IGBP1: variants seen among roughly 807,000 people sequenced by gnomAD.
The protein encoded by IGBP1 is immunoglobulin binding protein 1.
IGBP1 carries 2 observed loss-of-function variants against 25.9 expected under a neutral mutation model. The ratio of observed to expected loss-of-function variants is 0.08; its 90% confidence interval spans 0.03 to 0.24. The LOEUF (loss-of-function observed/expected upper bound fraction) is 0.24, where lower values mean the gene tolerates loss of function less well. Among genes scored for constraint, IGBP1 ranks in the 10% least tolerant of loss-of-function variants. The pLI, the probability that IGBP1 is intolerant of heterozygous loss-of-function variation, is 1.00. For synonymous variants in IGBP1, 96 were observed against 93.4 expected (o/e 1.03, Z -0.16); for missense variants, 187 against 260.4 (o/e 0.72, Z 1.94).
At chrX:70,153,618 C>G (rs1471656624) in intron 6 of IGBP1, among the ~76,000 whole-genome samples, 1 of 112,282 alleles carries the variant, frequency 8.9e-6, no homozygotes, top group African/African-American at 3.2e-5. Flanking sequence ...ACAAATTACT[C>G]TAAAACTTAG....
intron 4 of IGBP1, 121 bp from the exon 5 acceptor site, chrX:70,148,640 A>G: frequency 3.7e-6 from 2 of 536,520 alleles, no homozygotes; most frequent in Non-Finnish European, 6.6e-6. Context: ...TTAGAGACTG[A>G]TAAATAGAAA....
intron 4 of IGBP1, 141 bp from the exon 5 acceptor site, chrX:70,148,620 C>T: frequency 2.0e-6 from 1 of 507,522 alleles, no homozygotes; most frequent in Non-Finnish European, 3.5e-6. Context: ...TAGTGTTCTG[C>T]TGCTATATCT....
At chrX:70,148,891 A>G (rs765214292) in intron 5 of IGBP1, 51 bp downstream of exon 5, 11 of 870,986 alleles carry the variant, frequency 1.3e-5, no homozygotes, top group Middle Eastern at 2.7e-4. Flanking sequence ...TTATGGTTCA[A>G]TGTGGCAATT....
intron 3 of IGBP1, among the ~76,000 whole-genome samples, chrX:70,137,969 C>CAA (rs151148886): frequency 0.013 from 852 of 67,505 alleles, 18 homozygotes; most frequent in African/African-American, 0.041. Context: ...GCCATCTCTG[C>CAA]AAAAAAAAAA....
intron 6 of IGBP1, among the ~76,000 whole-genome samples, chrX:70,162,879 C>A (rs924733344): frequency 1.2e-4 from 13 of 109,980 alleles, no homozygotes; most frequent in African/African-American, 4.0e-4. Flanking sequence ...GAGGATGAGA[C>A]AGGAGAATCG....
chrX:70,139,067 T>C (rs2085114214), intron 3 of IGBP1, among the ~76,000 whole-genome samples: 2 of 111,815 alleles, frequency 1.8e-5, no homozygotes, highest in Admixed American at 9.5e-5. Flanking sequence ...TGGCTCACTT[T>C]GGGAGCCTGA....
At chrX:70,144,847 A>G (rs2085156084) in intron 3 of IGBP1, among the ~76,000 whole-genome samples, 1 of 106,388 alleles carries the variant, frequency 9.4e-6, no homozygotes, top group Non-Finnish European at 1.9e-5. Context: ...TTTAGTAGAG[A>G]TGGGGTTTCA....
At chrX:70,146,219 C>T (rs2085165530) in intron 3 of IGBP1, among the ~76,000 whole-genome samples, 1 of 102,223 alleles carries the variant, frequency 9.8e-6, no homozygotes, top group African/African-American at 3.4e-5. Flanking sequence ...ATTCCTGCAT[C>T]AGTGGCAGGT....
intron 6 of IGBP1, among the ~76,000 whole-genome samples, chrX:70,161,624 C>T (rs1185969521): frequency 8.9e-6 from 1 of 112,034 alleles, no homozygotes; most frequent in East Asian, 2.8e-4. Context: ...AACCTACCTT[C>T]GACCTGCTCA....
At chrX:70,154,714 C>CAAAAAAAA (rs762954223) in intron 6 of IGBP1, among the ~76,000 whole-genome samples, 363 of 27,094 alleles carry the variant, frequency 0.013, 50 homozygotes, top group African/African-American at 0.057. Context: ...CCCCTCTCCA[C>CAAAAAAAA]AAAAAAAAAA....
intron 3 of IGBP1, among the ~76,000 whole-genome samples, chrX:70,141,133 C>T (rs1183462863): frequency 1.8e-5 from 2 of 110,357 alleles, no homozygotes; most frequent in African/African-American, 6.6e-5. Flanking sequence ...ATCACAAGGT[C>T]AGGAGTTCAA....
chrX:70,143,687 T>C (rs947223858), intron 3 of IGBP1, among the ~76,000 whole-genome samples: 2 of 102,740 alleles, frequency 1.9e-5, no homozygotes, highest in African/African-American at 7.2e-5. Flanking sequence ...TAGTTTTCCA[T>C]ATGTTCCTTG....
chrX:70,163,098 G>A (rs1284282623), intron 6 of IGBP1, among the ~76,000 whole-genome samples: 1 of 110,539 alleles, frequency 9.0e-6, no homozygotes, highest in Non-Finnish European at 1.9e-5. Flanking sequence ...CTGAGCCCAG[G>A]CCAGGCTCAA....
At chrX:70,162,042 A>G (rs1433999025) in intron 6 of IGBP1, among the ~76,000 whole-genome samples, 1 of 112,209 alleles carries the variant, frequency 8.9e-6, no homozygotes, top group African/African-American at 3.2e-5. Context: ...AATTTTATGT[A>G]GATACTCCTG....
intron 3 of IGBP1, among the ~76,000 whole-genome samples, chrX:70,145,732 C>G (rs2085162038): frequency 9.0e-6 from 1 of 111,607 alleles, no homozygotes; most frequent in Non-Finnish European, 1.9e-5. Flanking sequence ...CCTCACAGCC[C>G]TCGTATTTGC....
At chrX:70,144,958 G>A (rs756550328) in intron 3 of IGBP1, among the ~76,000 whole-genome samples, 5 of 108,442 alleles carry the variant, frequency 4.6e-5, no homozygotes, top group South Asian at 4.1e-4. Context: ...GTGCCCGGCC[G>A]GTTCTTGACT....
chrX:70,157,516 C>T (rs913680951), intron 6 of IGBP1, among the ~76,000 whole-genome samples: 2 of 112,034 alleles, frequency 1.8e-5, no homozygotes, highest in African/African-American at 6.5e-5. Flanking sequence ...GAATACACAC[C>T]ACTCAAATGC....
At chrX:70,161,803 A>T (rs1453986257) in intron 6 of IGBP1, among the ~76,000 whole-genome samples, 1 of 111,521 alleles carries the variant, frequency 9.0e-6, no homozygotes, top group African/African-American at 3.3e-5. Context: ...TGTACTAGAA[A>T]ACAAGAGCTC....
intron 6 of IGBP1, among the ~76,000 whole-genome samples, chrX:70,155,184 G>T (rs1381974010): frequency 8.9e-6 from 1 of 111,957 alleles, no homozygotes; most frequent in Non-Finnish European, 1.9e-5. Context: ...TAAATACAAA[G>T]ACACAGATTG....
Sources: allele counts gnomAD v4.1 joint callset (sites outside exome capture counted in the v4.1 genomes callset), GRCh38; gene constraint gnomAD v4.1.1; transcripts MANE v1.5; gene names NCBI Gene and HGNC (gene_info 2026-07-23, HGNC 2026-07-21).